The following TTC7A variants were observed in gnomAD, a reference collection of about 807,000 sequenced individuals.
The protein encoded by TTC7A is tetratricopeptide repeat protein 7A.
TTC7A carries 110 observed loss-of-function variants against 103.7 expected under a neutral mutation model. The observed-to-expected ratio is 1.06, with a 90% CI of 0.91 to 1.24. TTC7A has a LOEUF of 1.24. TTC7A is among the 50% of genes most tolerant of loss of function. The pLI is 0.00. For missense variants in TTC7A, 1,340 were observed against 1,116.3 expected, an observed-to-expected ratio of 1.20 and a Z score of -2.86; for synonymous variants, 521 against 467.9, an observed-to-expected ratio of 1.11 and a Z score of -1.47.
rs1349243268 is a variant in TTC7A, at chr2:47,049,979, G to C, written c.1950G>C (p.Glu650Asp). Residue 650 changes from glutamate to aspartate, a missense_variant, in exon 17 of 20, where the codon GAG becomes GAC. Coordinates refer to ENST00000319190, the MANE Select transcript of TTC7A (RefSeq NM_020458.4). The stretch of plus-strand genomic sequence containing the variant: ...TAGAAAAGGATGGCAGCTTCGGTGA[G>C]GGCCTCACCATGAAGAAGCAGAGTG... ...GGLEKDGSFG[E>D]GLTMKKQSGM... 3 of 1,614,118 alleles carry C rather than the reference G, an allele frequency of 1.9e-6. No individual in the cohort carries two copies. The highest frequency in any genetic ancestry group is 3.3e-5 in the Admixed American group (2 of 60,030).
At chr2:46,919,098 T>A (rs1462978559) in intron 2 of TTC7A, among the ~76,000 whole-genome samples, 1 of 152,246 alleles carries the variant, frequency 6.6e-6, no homozygotes, top group Non-Finnish European at 1.5e-5. Flanking sequence ...ATGTTTTACC[T>A]ATGTAGGGGA....
rs1157962365 is a variant in TTC7A, at chr2:46,941,997, CTGCATATCATGAGATCAG to C, written c.184+278_184+295del. Reference sequence around the variant, plus strand: ...TCTGTCTACCGTGAAATGGTGGTATCTGCATATCATGAGATCAGTGCATTGGCTGGACTCTGCCCCCCA... The same window carrying C: ...TCTGTCTACCGTGAAATGGTGGTATCTGCATTGGCTGGACTCTGCCCCCCA... On this transcript the variant is annotated intron_variant, in intron 1 of 19. Transcript: ENST00000319190. The surrounding 1 kb of genome is among the most constrained non-coding windows in gnomAD (Gnocchi z 4.2). 4.6e-5 allele frequency: 26 copies of C among 567,970 alleles called. No individual in the cohort carries two copies. The highest frequency in any genetic ancestry group is 7.6e-5 in the Non-Finnish European group (24 of 317,508). 35.2% of individuals were successfully genotyped at this position (567,970 alleles called of 1,614,324 possible).
chr2:46,939,916 A>G (rs890462001), upstream of TTC7A, among the ~76,000 whole-genome samples: 13 of 152,118 alleles, frequency 8.5e-5, no homozygotes, highest in Non-Finnish European at 1.8e-4. Context: ...GCTTCCCTTC[A>G]TCTACCTCCT....
intron 3 of TTC7A, among the ~76,000 whole-genome samples, chr2:46,971,912 C>T: frequency 7.2e-6 from 1 of 139,316 alleles, no homozygotes; most frequent in African/African-American, 2.7e-5. Context: ...TCTATATTAG[C>T]TGCAAGTGAC....
intron 8 of TTC7A, among the ~76,000 whole-genome samples, chr2:47,001,888 C>T (rs2104429788): frequency 6.6e-6 from 1 of 150,598 alleles, no homozygotes; most frequent in Admixed American, 6.6e-5. Flanking sequence ...AAGAGTAATG[C>T]ATGTCACACG....
chr2:47,059,300 C>T (rs1337669511), intron 18 of TTC7A, among the ~76,000 whole-genome samples: 3 of 151,960 alleles, frequency 2.0e-5, no homozygotes, highest in Non-Finnish European at 2.9e-5. Flanking sequence ...GGACTACAGG[C>T]GTGAGCCTGT....
rs1359515935 is a variant in TTC7A, at chr2:47,060,781, T to C, written c.2165T>C (p.Met722Thr). Residue 722 changes from methionine to threonine, a missense_variant, in exon 19 of 20, where the codon ATG becomes ACG. By Grantham distance (81) the Met-to-Thr change is moderately conservative. Coordinates refer to ENST00000319190, the MANE Select transcript of TTC7A (RefSeq NM_020458.4). The stretch of plus-strand genomic sequence containing the variant: ...TCTGCTTTTGCAGCTGAGCTGTTCA[T>C]GGAGCAGCAGCACCTCAAGGAAGCA... ...QIWLQAAELF[M>T]EQQHLKEAGF... The C allele has an allele frequency of 1.9e-6, 3 of 1,608,330 alleles. No individual in the cohort carries two copies. Among genetic ancestry groups the C allele is most frequent in the Non-Finnish European group, 2.6e-6 (3 of 1,175,744 alleles).
chr2:47,040,640 C>T (rs1036063715), intron 15 of TTC7A: 27 of 152,372 alleles, frequency 1.8e-4, no homozygotes, highest in African/African-American at 5.5e-4. Context: ...TTCAGAGGCA[C>T]CTGGCCTAGA....
intron 3 of TTC7A, chr2:46,958,689 C>A: frequency 2.0e-6 from 1 of 507,306 alleles, no homozygotes; most frequent in Non-Finnish European, 3.2e-6. Flanking sequence ...CTGCAGTGAC[C>A]ACGCCTGCTG....
intron 9 of TTC7A, among the ~76,000 whole-genome samples, 157 bp downstream of exon 9, chr2:47,006,216 T>C (rs555620925): frequency 5.8e-4 from 88 of 152,232 alleles, no homozygotes; most frequent in African/African-American, 2.0e-3. Flanking sequence ...AGCTTCCTCA[T>C]TGGTGAAATA....
At chr2:47,042,824 T>A (rs1295714289) in intron 15 of TTC7A, among the ~76,000 whole-genome samples, 1 of 152,222 alleles carries the variant, frequency 6.6e-6, no homozygotes. Flanking sequence ...TGAAATAGTT[T>A]TTTTAGTCTC....
chr2:47,053,105 G>GA (rs1221433249), intron 18 of TTC7A, among the ~76,000 whole-genome samples: 1 of 152,158 alleles, frequency 6.6e-6, no homozygotes, highest in Admixed American at 6.5e-5. Flanking sequence ...AGGAAGGCTA[G>GA]ACATGGGAGC....
At position 47,073,939 on chromosome 2, in the gene TTC7A, A is replaced by G; in HGVS notation, c.*16A>G. 1.9e-6 allele frequency: 3 copies of G among 1,598,406 alleles called. No homozygotes were observed. Among genetic ancestry groups the G allele is most frequent in the Non-Finnish European group, 2.6e-6 (3 of 1,170,964 alleles). On this transcript the variant is annotated 3_prime_UTR_variant, in exon 20 of 20. Coordinates refer to ENST00000319190, the MANE Select transcript of TTC7A (RefSeq NM_020458.4). Reference sequence around the variant, plus strand: ...AGAGCTCTGACGACGCTGCAGCCGCAGGGAGGGAGGGGCTGGCCAGAGGGA... The same window carrying G: ...AGAGCTCTGACGACGCTGCAGCCGCGGGGAGGGAGGGGCTGGCCAGAGGGA...
At chr2:47,063,994 TG>T (rs1683992610) in intron 19 of TTC7A, among the ~76,000 whole-genome samples, 1 of 152,236 alleles carries the variant, frequency 6.6e-6, no homozygotes, top group African/African-American at 2.4e-5. Flanking sequence ...ATATAAGTTT[TG>T]GCCAAGAGCA....
chr2:47,042,512 A>G (rs1179540224), intron 15 of TTC7A, among the ~76,000 whole-genome samples: 1 of 152,176 alleles, frequency 6.6e-6, no homozygotes, highest in Non-Finnish European at 1.5e-5. Flanking sequence ...TTAAAAAAAA[A>G]AAGGAAATTT....
chr2:46,963,929 G>A (rs1475883520), intron 3 of TTC7A, among the ~76,000 whole-genome samples: 1 of 152,184 alleles, frequency 6.6e-6, no homozygotes. Context: ...TCAGGGGTGG[G>A]ATTTCCCCCA....
intron 2 of TTC7A, among the ~76,000 whole-genome samples, chr2:46,935,395 C>A (rs1196926847): frequency 1.3e-5 from 2 of 152,142 alleles, no homozygotes; most frequent in African/African-American, 4.8e-5. Context: ...AAACTCCTTT[C>A]TTGCCACTGA....
At chr2:47,019,895 G>T (rs1045839149) in intron 11 of TTC7A, among the ~76,000 whole-genome samples, 9 of 152,172 alleles carry the variant, frequency 5.9e-5, no homozygotes, top group African/African-American at 2.2e-4. Flanking sequence ...TTAGCCAGGG[G>T]TATATTAGGA....
chr2:46,946,449 GGTAT>G (rs1670945260), intron 1 of TTC7A, among the ~76,000 whole-genome samples: 1 of 152,012 alleles, frequency 6.6e-6, no homozygotes. Flanking sequence ...CTAGAGATGA[GGTAT>G]TGCCCTGTTG....
Sources: gnomAD v4.1 joint callset for allele counts (sites outside exome capture counted in the v4.1 genomes callset) on GRCh38, gnomAD v4.1.1 for gene constraint, Gnocchi (gnomAD v3.1) non-coding constraint, MANE v1.5 for transcripts, NCBI Gene and HGNC (gene_info 2026-07-23, HGNC 2026-07-21) for gene names.